Variants in TRPM3 observed in about 807,000 individuals in gnomAD.
TRPM3 encodes transient receptor potential cation channel subfamily M member 3, also known as long transient receptor potential channel 3.
A neutral mutation model predicts 181.2 loss-of-function variants in TRPM3; 77 were observed. The observed-to-expected ratio is 0.42, with a 90% CI of 0.35 to 0.51. TRPM3 has a LOEUF of 0.51. TRPM3 is among the 20% of genes least tolerant of loss of function. The probability of loss-of-function intolerance (pLI) is 0.01; values close to 1 mark genes in which losing one functional copy is unlikely to be tolerated. For synonymous variants in TRPM3, 745 were observed against 796.4 expected, an observed-to-expected ratio of 0.94 and a Z score of 1.09; for missense variants, 1,759 against 2,196.7, an observed-to-expected ratio of 0.80 and a Z score of 3.98.
chr9:71,378,761 A>G (rs1445337445), intron 1 of TRPM3, among the ~76,000 whole-genome samples: 1 of 152,108 alleles, frequency 6.6e-6, no homozygotes, highest in African/African-American at 2.4e-5. Flanking sequence ...AAAACTTTTT[A>G]GTAAATCATA....
At chr9:70,910,620 T>C (rs916019068) in intron 1 of TRPM3, among the ~76,000 whole-genome samples, 6 of 152,314 alleles carry the variant, frequency 3.9e-5, no homozygotes, top group Non-Finnish European at 7.3e-5. Context: ...TCTTTGATTA[T>C]TGCATTATCA....
intron 7 of TRPM3, among the ~76,000 whole-genome samples, chr9:70,779,059 T>G (rs2082000834): frequency 1.3e-5 from 2 of 152,174 alleles, no homozygotes; most frequent in Non-Finnish European, 1.5e-5. Context: ...ATTTATGCCT[T>G]TGCCTCAGCT....
At chr9:71,426,638 T>G (rs2093868720) in intron 1 of TRPM3, among the ~76,000 whole-genome samples, 1 of 152,154 alleles carries the variant, frequency 6.6e-6, no homozygotes, top group Non-Finnish European at 1.5e-5. Context: ...TTTCTGAATA[T>G]GGGGACTTGC....
intron 1 of TRPM3, among the ~76,000 whole-genome samples, chr9:71,276,303 G>A (rs1454637945): frequency 9.0e-6 from 1 of 111,266 alleles, no homozygotes; most frequent in African/African-American, 3.6e-5. Flanking sequence ...ATTTTTTTAT[G>A]TTGGGGGTAA....
chr9:70,570,173 C>T (rs1365381544), intron 22 of TRPM3, among the ~76,000 whole-genome samples: 1 of 150,956 alleles, frequency 6.6e-6, no homozygotes, highest in Non-Finnish European at 1.5e-5. Context: ...TAACTTAAGA[C>T]ATTGTACACA....
At chr9:70,622,615 C>G (rs960269263) in intron 14 of TRPM3, among the ~76,000 whole-genome samples, 1 of 152,132 alleles carries the variant, frequency 6.6e-6, no homozygotes, top group African/African-American at 2.4e-5. Context: ...CAGGCTGAGT[C>G]GGAGAGAAAA....
In TRPM3 at chr9:70,923,843, T is replaced by C. The variant is rs71483593; in HGVS notation, c.178-59332A>G. 4.9e-3 allele frequency among the ~76,000 whole-genome samples: 599 copies of C among 121,830 alleles called. 4 individuals are homozygous for C. Among genetic ancestry groups the C allele is most frequent in the African/African-American group, 0.015 (509 of 33,542 alleles). 79.9% of individuals were successfully genotyped at this position (121,830 alleles called of 152,430 possible). ...CTCTCTCTCTCTATATATATATATA[T>C]ACACACACACACACATATATATATA... On this transcript the variant is annotated intron_variant, in intron 1 of 25. Transcript: ENST00000677713.
At chr9:70,896,720 T>C (rs1427848799) in intron 1 of TRPM3, among the ~76,000 whole-genome samples, 3 of 151,858 alleles carry the variant, frequency 2.0e-5, no homozygotes, top group African/African-American at 7.3e-5. Flanking sequence ...AAGCCTAAAG[T>C]GTTCATTGTA....
chr9:71,394,499 T>C (rs2093142999), intron 1 of TRPM3, among the ~76,000 whole-genome samples: 1 of 152,242 alleles, frequency 6.6e-6, no homozygotes, highest in Admixed American at 6.5e-5. Flanking sequence ...CTTCCAAAAC[T>C]AGTCCAAAGC....
At chr9:70,614,488 C>T (rs939289211) in intron 18 of TRPM3, among the ~76,000 whole-genome samples, 3 of 151,700 alleles carry the variant, frequency 2.0e-5, no homozygotes, top group Non-Finnish European at 4.4e-5. Context: ...AGAGTGAGAC[C>T]CTGTCTCTAA....
intron 1 of TRPM3, among the ~76,000 whole-genome samples, chr9:71,219,817 G>A (rs1434563002): frequency 6.6e-6 from 1 of 152,206 alleles, no homozygotes; most frequent in African/African-American, 2.4e-5. Flanking sequence ...ACGCATTCAA[G>A]TCAGGGGGTC....
At chr9:71,081,383 T>C (rs2064310027) in intron 1 of TRPM3, among the ~76,000 whole-genome samples, 1 of 152,176 alleles carries the variant, frequency 6.6e-6, no homozygotes, top group Non-Finnish European at 1.5e-5. Flanking sequence ...AGTTTCTTAG[T>C]GTGCTCATCT....
At chr9:70,936,383 C>T (rs142622603) in intron 1 of TRPM3, among the ~76,000 whole-genome samples, 92 of 152,288 alleles carry the variant, frequency 6.0e-4, no homozygotes, top group African/African-American at 2.2e-3. Flanking sequence ...TTTCCATCCT[C>T]TGCAAAATTT....
At chr9:71,146,196 G>A (rs1198014332) in intron 1 of TRPM3, among the ~76,000 whole-genome samples, 1 of 152,064 alleles carries the variant, frequency 6.6e-6, no homozygotes, top group African/African-American at 2.4e-5. Context: ...TTTAATGTGG[G>A]TACACAATGA....
At chr9:70,993,047 G>A (rs2089554918) in intron 1 of TRPM3, among the ~76,000 whole-genome samples, 1 of 152,134 alleles carries the variant, frequency 6.6e-6, no homozygotes, top group Non-Finnish European at 1.5e-5. Flanking sequence ...AAAGACCAAT[G>A]TACCTGGTGT....
chr9:71,139,691 C>T (rs564348134), intron 1 of TRPM3, among the ~76,000 whole-genome samples: 1 of 152,058 alleles, frequency 6.6e-6, no homozygotes, highest in Non-Finnish European at 1.5e-5. Flanking sequence ...GTAGTAATAC[C>T]TAATGAATAC....
intron 1 of TRPM3, among the ~76,000 whole-genome samples, chr9:71,402,449 T>C (rs1244610553): frequency 1.3e-5 from 2 of 152,308 alleles, no homozygotes; most frequent in Non-Finnish European, 1.5e-5. Flanking sequence ...AAGTTGAAGA[T>C]GCACAAAGGT....
At chr9:71,035,831 C>G (rs1412927069) in intron 1 of TRPM3, among the ~76,000 whole-genome samples, 1 of 151,998 alleles carries the variant, frequency 6.6e-6, no homozygotes, top group Non-Finnish European at 1.5e-5. Context: ...CAGTTACTAC[C>G]CTTGAAGAAC....
chr9:70,785,067 T>A (rs545488603), intron 6 of TRPM3, among the ~76,000 whole-genome samples: 1 of 152,094 alleles, frequency 6.6e-6, no homozygotes, highest in Non-Finnish European at 1.5e-5. Context: ...ATGATTGTCA[T>A]GTTGAATTAC....
Sources: allele counts gnomAD v4.1 joint callset (sites outside exome capture counted in the v4.1 genomes callset), GRCh38; gene constraint gnomAD v4.1.1; transcripts MANE v1.5; gene names NCBI Gene and HGNC (gene_info 2026-07-23, HGNC 2026-07-21).